EVL: variants seen among roughly 807,000 people sequenced by gnomAD.
The protein encoded by EVL is Enah/Vasp-like.
A neutral mutation model predicts 59.6 loss-of-function variants in EVL; 21 were observed. That is an observed-to-expected ratio of 0.35 (90% CI 0.25 to 0.51). The LOEUF (loss-of-function observed/expected upper bound fraction) is 0.51, where lower values mean the gene tolerates loss of function less well. Ranked by LOEUF, EVL falls within the 20% of genes least tolerant of loss-of-function variation. The pLI, the probability that EVL is intolerant of heterozygous loss-of-function variation, is 0.97. For missense variants in EVL, 462 were observed against 546.6 expected (o/e 0.85, Z 1.54); for synonymous variants, 198 against 203.5 (o/e 0.97, Z 0.23).
chr14:99,981,219 G>T (rs544329763), intron 1 of EVL, among the ~76,000 whole-genome samples: 1 of 152,208 alleles, frequency 6.6e-6, no homozygotes, highest in East Asian at 1.9e-4. Flanking sequence ...ATCACCTGAG[G>T]TCAGGAGTTG....
chr14:100,075,156 G>A (rs920850959), intron 1 of EVL, among the ~76,000 whole-genome samples: 1 of 152,252 alleles, frequency 6.6e-6, no homozygotes, highest in African/African-American at 2.4e-5. Context: ...GAGCCAAGCT[G>A]CATGGCTGCA....
chr14:100,067,701 C>T (rs1486698237), intron 1 of EVL, among the ~76,000 whole-genome samples: 2 of 152,210 alleles, frequency 1.3e-5, no homozygotes, highest in Admixed American at 6.5e-5. Flanking sequence ...GAACCTGTGC[C>T]TCCTGACCAC....
chr14:99,986,873 C>A (rs1013707671), intron 1 of EVL, among the ~76,000 whole-genome samples: 1 of 152,126 alleles, frequency 6.6e-6, no homozygotes, highest in Admixed American at 6.6e-5. Flanking sequence ...TGAAATTGGA[C>A]CCTACCTCAC....
intron 3 of EVL, among the ~76,000 whole-genome samples, chr14:100,100,115 T>C (rs1172717103): frequency 6.6e-6 from 1 of 151,814 alleles, no homozygotes; most frequent in Non-Finnish European, 1.5e-5. Flanking sequence ...AATCCTGCCC[T>C]CATTTTCAGA....
At chr14:100,120,667 A>G (rs1202155793) in intron 3 of EVL, among the ~76,000 whole-genome samples, 3 of 152,210 alleles carry the variant, frequency 2.0e-5, no homozygotes, top group Non-Finnish European at 2.9e-5. Context: ...CCCAGTGTCC[A>G]GGTGCAGGAG....
chr14:100,055,868 A>G (rs1005961325), intron 1 of EVL, among the ~76,000 whole-genome samples: 3 of 151,328 alleles, frequency 2.0e-5, no homozygotes, highest in East Asian at 1.9e-4. Flanking sequence ...CTGGAGTGCA[A>G]TGGCTCGATC....
intron 9 of EVL, 95 bp downstream of exon 9, chr14:100,136,063 A>AG: frequency 1.4e-6 from 2 of 1,401,850 alleles, no homozygotes; most frequent in Non-Finnish European, 2.0e-6. Context: ...CAGCCTCTTT[A>AG]GTATGCCTGA....
intron 1 of EVL, among the ~76,000 whole-genome samples, chr14:100,059,520 A>G (rs1566989895): frequency 1.3e-5 from 2 of 152,222 alleles, no homozygotes; most frequent in Admixed American, 6.5e-5. Flanking sequence ...GTGCATGTAC[A>G]GAGTGAGATT....
At chr14:100,128,150 G>T (rs1041455387) in intron 5 of EVL, among the ~76,000 whole-genome samples, 1 of 152,214 alleles carries the variant, frequency 6.6e-6, no homozygotes, top group Non-Finnish European at 1.5e-5. Flanking sequence ...CCTAGGGGGT[G>T]CTAGGTGCTT....
rs939565421 is a variant in EVL, at chr14:100,130,454, G to C, written c.839+770G>C. On this transcript the variant is annotated intron_variant, in intron 7 of 13. Transcript: ENST00000392920. This position sits in a 1 kb window ranked among gnomAD's most constrained non-coding sequence, Gnocchi z 4.8. Reference sequence around the variant, plus strand: ...TAGGCACCAGAGGGCACGGGAGTAGGCCTCACCTGCCAGAACAGAGGAAGC... The same window carrying C: ...TAGGCACCAGAGGGCACGGGAGTAGCCCTCACCTGCCAGAACAGAGGAAGC... 3.3e-5 allele frequency among the ~76,000 whole-genome samples: 5 copies of C among 152,222 alleles called. No homozygotes were observed. Among genetic ancestry groups the C allele is most frequent in the African/African-American group, 1.2e-4 (5 of 41,456 alleles).
At position 100,002,580 on chromosome 14, in the gene EVL, C is replaced by T. The variant is rs190200703; in HGVS notation, c.5+30523C>T. ...AAACAGCATTTTATATTTGACAATG[C>T]TTCCTGTATAATTTTTAAACCAAAT... On this transcript the variant is annotated intron_variant, in intron 1 of 13. Transcript: ENST00000402714. Among the ~76,000 whole-genome samples, 244 of 152,270 alleles carry T rather than the reference C, an allele frequency of 1.6e-3. 1 individual carries two copies. The highest frequency in any genetic ancestry group is 5.8e-3 in the African/African-American group (239 of 41,554).
intron 3 of EVL, among the ~76,000 whole-genome samples, chr14:100,115,257 T>A (rs2140353599): frequency 6.6e-6 from 1 of 152,262 alleles, no homozygotes; most frequent in Non-Finnish European, 1.5e-5. Flanking sequence ...GGGTGGGGTG[T>A]CCTGGCCTGG....
intron 11 of EVL, 100 bp from the exon 12 acceptor site, chr14:100,141,080 A>T: frequency 8.8e-7 from 1 of 1,141,998 alleles, no homozygotes; most frequent in Non-Finnish European, 1.3e-6. Context: ...CTATGGAGCG[A>T]GGGGAGCAGG....
At chr14:99,976,101 C>A (rs886767197) in intron 1 of EVL, among the ~76,000 whole-genome samples, 1 of 152,018 alleles carries the variant, frequency 6.6e-6, no homozygotes, top group African/African-American at 2.4e-5. Flanking sequence ...GTGGCTCAGT[C>A]ATGACTCACT....
chr14:100,091,768 G>T (rs2062569528), intron 2 of EVL, among the ~76,000 whole-genome samples: 1 of 152,226 alleles, frequency 6.6e-6, no homozygotes, highest in African/African-American at 2.4e-5. Context: ...TGGGTCGGAA[G>T]CACAAGTCAC....
chr14:100,021,219 G>C (rs1296341525), intron 1 of EVL, among the ~76,000 whole-genome samples: 2 of 152,208 alleles, frequency 1.3e-5, no homozygotes, highest in African/African-American at 2.4e-5. Context: ...TTAGGGAAGA[G>C]GGTTATGTAT....
Position 100,142,054 on chromosome 14 carries a change from A to G in EVL, c.1219+261A>G, listed in dbSNP as rs554125812. On this transcript the variant is annotated intron_variant, in intron 13 of 13. Transcript: ENST00000392920. ...TCCACATCCCCGGCACCTTCCTGGA[A>G]GACCCACGTGGGAAGAGCATGGAGG... 7.5e-4 allele frequency: 272 copies of G among 363,984 alleles called. 1 individual carries two copies. Among genetic ancestry groups the G allele is most frequent in the Non-Finnish European group, 1.4e-4 (28 of 193,808 alleles). 22.5% of individuals were successfully genotyped at this position (363,984 alleles called of 1,614,324 possible).
intron 2 of EVL, among the ~76,000 whole-genome samples, chr14:100,093,533 G>C (rs954044842): frequency 2.6e-5 from 4 of 152,168 alleles, no homozygotes; most frequent in Non-Finnish European, 5.9e-5. Flanking sequence ...GCAGCAGTTG[G>C]TGAGCAGCCT....
chr14:100,038,868 G>A (rs1258309465), intron 1 of EVL, among the ~76,000 whole-genome samples: 2 of 151,838 alleles, frequency 1.3e-5, no homozygotes, highest in African/African-American at 2.4e-5. Flanking sequence ...TACAGTTTGG[G>A]TTATTGGTTA....
Sources: allele counts gnomAD v4.1 joint callset (sites outside exome capture counted in the v4.1 genomes callset), GRCh38; gene constraint gnomAD v4.1.1; non-coding constraint Gnocchi (gnomAD v3.1); transcripts MANE v1.5; gene names NCBI Gene and HGNC (gene_info 2026-07-23, HGNC 2026-07-21).